RIN2: variants seen among roughly 807,000 people sequenced by gnomAD.
RIN2 encodes the protein RAB5 interacting protein 2.
Under a neutral mutation model 78.0 loss-of-function variants are expected in RIN2, and 36 were observed. The ratio of observed to expected loss-of-function variants is 0.46; its 90% CI spans 0.35 to 0.61. The LOEUF (loss-of-function observed/expected upper bound fraction) is 0.61. RIN2 is among the 20% of genes least tolerant of loss of function. The probability of loss-of-function intolerance (pLI) is 0.00; values close to 1 mark genes in which losing one functional copy is unlikely to be tolerated. For missense variants in RIN2, 1,087 were observed against 1,159.7 expected (o/e 0.94, Z 0.91); for synonymous variants, 466 against 466.8 (o/e 1.00, Z 0.02).
rs1443367552 is a variant in RIN2 at position 19,956,613 on chromosome 20, A to G, written c.159-2A>G. The G allele has an allele frequency of 1.2e-6, 2 of 1,612,694 alleles. No individual in the cohort carries two copies. Among genetic ancestry groups the G allele is most frequent in the Non-Finnish European group, 1.7e-6 (2 of 1,179,392 alleles). On this transcript the variant is annotated splice_acceptor_variant, in intron 4 of 12. Transcript: ENST00000255006. LOFTEE classifies it high-confidence loss of function. ...TGACCGTGCCGCTTCTCTTTCTCCT[A>G]GCATGGTAAGACACAAGGATGGTGG...
chr20:19,996,800 G>T lies in RIN2; in HGVS notation c.2322G>T (p.Arg774=). The T allele has an allele frequency of 6.2e-7, 1 of 1,609,002 alleles. No individual in the cohort carries two copies. The highest frequency in any genetic ancestry group is 2.2e-5 in the East Asian group (1 of 44,686). Residue 774 remains arginine, a synonymous_variant, in exon 12 of 13, where the codon CGG becomes CGT. Transcript: ENST00000255006. ...TRDTLRQWHK[R]RTTNRTIPSV... ...ACACCCTGAGGCAGTGGCACAAACGGAGAACCACCAACCGGACCATCCCCT... is the reference window on the plus strand; with the variant it reads ...ACACCCTGAGGCAGTGGCACAAACGTAGAACCACCAACCGGACCATCCCCT...
chr20:19,835,237 T>C (rs947466573), intron 2 of RIN2, among the ~76,000 whole-genome samples: 8 of 152,188 alleles, frequency 5.3e-5, no homozygotes, highest in Non-Finnish European at 8.8e-5. Flanking sequence ...ATGTCTGCAC[T>C]AGTAATTGTG....
At chr20:19,988,121 T>A (rs183375572) in intron 9 of RIN2, among the ~76,000 whole-genome samples, 1 of 152,284 alleles carries the variant, frequency 6.6e-6, no homozygotes, top group African/African-American at 2.4e-5. Context: ...CAACTATTTC[T>A]TTTGCTTTTT....
intron 3 of RIN2, among the ~76,000 whole-genome samples, chr20:19,903,601 G>C (rs2039084618): frequency 1.3e-5 from 2 of 152,250 alleles, no homozygotes; most frequent in Admixed American, 6.5e-5. Flanking sequence ...CACTGGGATG[G>C]GGATGCTACT....
chr20:19,829,123 A>G (rs2036178982), intron 2 of RIN2, among the ~76,000 whole-genome samples: 4 of 152,146 alleles, frequency 2.6e-5, no homozygotes, highest in Admixed American at 2.6e-4. Flanking sequence ...TGAAATTGCC[A>G]CCTATATGAT....
At chr20:19,783,021 C>A (rs13043586) in intron 1 of RIN2, among the ~76,000 whole-genome samples, 10,980 of 152,192 alleles carry the variant, frequency 0.072, 437 homozygotes, top group South Asian at 0.11. Flanking sequence ...TGTGACCCCA[C>A]CCAGGAATTC....
intron 4 of RIN2, among the ~76,000 whole-genome samples, chr20:19,944,825 G>A (rs564286926): frequency 2.6e-5 from 4 of 152,238 alleles, no homozygotes; most frequent in African/African-American, 9.6e-5. Context: ...AAGCTTTGGG[G>A]TTTTGCTTTC....
chr20:19,982,104 C>G (rs1199413517), intron 9 of RIN2, among the ~76,000 whole-genome samples: 1 of 152,150 alleles, frequency 6.6e-6, no homozygotes, highest in Non-Finnish European at 1.5e-5. Context: ...AGAGGGCTTC[C>G]CCTCAAAGAG....
chr20:19,920,607 A>C (rs941602879), intron 3 of RIN2, among the ~76,000 whole-genome samples: 1 of 152,256 alleles, frequency 6.6e-6, no homozygotes, highest in South Asian at 2.1e-4. Context: ...CTCTGTGAGC[A>C]TGCGCCAAAT....
intron 2 of RIN2, among the ~76,000 whole-genome samples, chr20:19,878,773 A>G (rs1568565503): frequency 1.3e-5 from 2 of 151,878 alleles, no homozygotes; most frequent in South Asian, 2.1e-4. Flanking sequence ...GGCCCACTCG[A>G]CCCTCCGTGC....
At chr20:19,994,792 T>C (rs1568722845) in intron 11 of RIN2, among the ~76,000 whole-genome samples, 1 of 152,206 alleles carries the variant, frequency 6.6e-6, no homozygotes, top group Admixed American at 6.5e-5. Context: ...AGTCACATGC[T>C]GATTTGTTTG....
intron 1 of RIN2, among the ~76,000 whole-genome samples, chr20:19,760,881 T>G (rs115160480): frequency 2.0e-5 from 3 of 152,066 alleles, no homozygotes; most frequent in African/African-American, 4.8e-5. Flanking sequence ...CAGAATTCCT[T>G]GTGTGTGTGT....
intron 5 of RIN2, among the ~76,000 whole-genome samples, chr20:19,960,397 C>A (rs1258844745): frequency 6.6e-6 from 1 of 152,132 alleles, no homozygotes; most frequent in African/African-American, 2.4e-5. Context: ...GGGCTGGAGA[C>A]CGTAACTCCA....
intron 2 of RIN2, among the ~76,000 whole-genome samples, chr20:19,869,385 T>C (rs1285859699): frequency 6.6e-6 from 1 of 152,136 alleles, no homozygotes; most frequent in African/African-American, 2.4e-5. Context: ...TTTTGTGACA[T>C]GGTGAGGTGG....
At chr20:19,771,865 C>T (rs1285936201) in intron 1 of RIN2, among the ~76,000 whole-genome samples, 3 of 152,146 alleles carry the variant, frequency 2.0e-5, no homozygotes, top group Admixed American at 2.0e-4. Context: ...TCTCAAGCCT[C>T]CTGCCTCCTC....
At chr20:19,809,360 C>G (rs1027777384) in intron 2 of RIN2, 4 of 152,386 alleles carry the variant, frequency 2.6e-5, no homozygotes, top group African/African-American at 9.6e-5. Context: ...CTGACCTCCC[C>G]GGTCCACACC....
intron 4 of RIN2, among the ~76,000 whole-genome samples, chr20:19,942,118 A>AAAAGAAAAAAG (rs1555796258): frequency 1.4e-5 from 2 of 143,002 alleles, no homozygotes; most frequent in Admixed American, 1.4e-4. Flanking sequence ...TCAAAAAAAA[A>AAAAGAAAAAAG]AAAAGAAAGA....
At chr20:19,958,770 G>A (rs1419457603) in intron 5 of RIN2, among the ~76,000 whole-genome samples, 1 of 152,232 alleles carries the variant, frequency 6.6e-6, no homozygotes, top group Non-Finnish European at 1.5e-5. Context: ...TCCAGAGGCT[G>A]AGGCAGGAGA....
intron 2 of RIN2, among the ~76,000 whole-genome samples, chr20:19,829,872 G>A (rs1304030337): frequency 6.6e-6 from 1 of 152,188 alleles, no homozygotes; most frequent in Non-Finnish European, 1.5e-5. Flanking sequence ...TGATGCCCCT[G>A]ACTCTGTCTC....
Sources: gnomAD v4.1 joint callset for allele counts (sites outside exome capture counted in the v4.1 genomes callset) on GRCh38, gnomAD v4.1.1 for gene constraint, MANE v1.5 for transcripts, NCBI Gene and HGNC (gene_info 2026-07-23, HGNC 2026-07-21) for gene names.